SEC23B: variants seen among roughly 807,000 people sequenced by gnomAD.
The protein encoded by SEC23B is protein transport protein Sec23B.
SEC23B carries 77 observed loss-of-function variants against 104.3 expected under a neutral mutation model. That is an observed-to-expected ratio of 0.74 (90% CI 0.61 to 0.89). The LOEUF (loss-of-function observed/expected upper bound fraction) is 0.89, where lower values mean the gene tolerates loss of function less well. Among genes scored for constraint, SEC23B ranks in the 40% least tolerant of loss-of-function variants. The pLI is 0.00. For synonymous variants in SEC23B, 338 were observed against 332.5 expected (o/e 1.02, Z -0.18); for missense variants, 885 against 949.4 (o/e 0.93, Z 0.89).
intron 11 of SEC23B, among the ~76,000 whole-genome samples, chr20:18,533,405 T>G (rs921197864): frequency 2.0e-5 from 3 of 152,156 alleles, no homozygotes; most frequent in Non-Finnish European, 4.4e-5. Context: ...CTTCCCTCAT[T>G]GTCACCATCA....
At chr20:18,548,565 G>T (rs1331921446) in intron 15 of SEC23B, 44 bp from the exon 16 acceptor site, 2 of 1,596,902 alleles carry the variant, frequency 1.3e-6, no homozygotes, top group East Asian at 2.2e-5. Flanking sequence ...GTCTAAGAAG[G>T]TTACAATTAT....
intron 1 of SEC23B, among the ~76,000 whole-genome samples, chr20:18,509,422 T>C (rs2059961767): frequency 1.3e-5 from 2 of 152,324 alleles, no homozygotes; most frequent in South Asian, 4.1e-4. Context: ...ATAGACTCTT[T>C]AATTTGCCTT....
chr20:18,559,666 G>A (rs1281131598), intron 19 of SEC23B, among the ~76,000 whole-genome samples: 1 of 152,122 alleles, frequency 6.6e-6, no homozygotes, highest in Non-Finnish European at 1.5e-5. Context: ...GAAAGTGGGT[G>A]TTTTTTGTTG....
chr20:18,544,298 A>G (rs377656527), intron 14 of SEC23B, among the ~76,000 whole-genome samples: 1 of 76,076 alleles, frequency 1.3e-5, no homozygotes, highest in Non-Finnish European at 3.6e-5. Flanking sequence ...TCATGGAACC[A>G]TTTTTCAGGA....
chr20:18,556,482 G>A lies in SEC23B; in HGVS notation c.2214+1309G>A, dbSNP rs182913921. On this transcript the variant is annotated intron_variant, in intron 19 of 19. Coordinates refer to ENST00000650089, the MANE Select transcript of SEC23B (RefSeq NM_006363.6). ...CTTCCTGAGTCGCTTACTACTCTTAGGAGTTTTTTTGTAAACTTCTCAGAA... is the reference window on the plus strand; with the variant it reads ...CTTCCTGAGTCGCTTACTACTCTTAAGAGTTTTTTTGTAAACTTCTCAGAA... 3.5e-3 allele frequency among the ~76,000 whole-genome samples: 536 copies of A among 152,196 alleles called. 2 individuals carry two copies. The highest frequency in any genetic ancestry group is 0.012 in the African/African-American group (502 of 41,524).
Position 18,524,598 on chromosome 20 carries a change from C to T in SEC23B, c.532C>T (p.Leu178=), listed in dbSNP as rs1886376796. ...TFGRMVQVHE[L]SCEGISKSYV... is the part of the protein sequence containing the mutation. ...TGGAAGGATGGTGCAGGTTCATGAG[C>T]TAAGCTGTGAAGGAATCTCCAAAAG... is the stretch of plus-strand genomic sequence containing the variant. The change falls in exon 5 of 20, where the codon CTA becomes TTA. Residue 178 remains leucine, a synonymous_variant. Transcript: ENST00000650089. 2 of 1,614,210 alleles carry T rather than the reference C, an allele frequency of 1.2e-6. No individual in the cohort carries two copies. Among genetic ancestry groups the T allele is most frequent in the Non-Finnish European group, 1.7e-6 (2 of 1,180,036 alleles).
rs1246281189 is a variant in SEC23B, at chr20:18,535,575, G to A, written c.1315-78G>A. 1.5e-5 allele frequency: 16 copies of A among 1,084,602 alleles called. No homozygotes were observed. In the East Asian group the frequency reaches 3.6e-4, roughly 24 times the overall value. The allele number at this position is 1,084,602 out of a possible 1,614,324, so 67.2% of individuals were successfully genotyped here. On this transcript the variant is annotated intron_variant, in intron 11 of 19. Coordinates refer to ENST00000650089, the MANE Select transcript of SEC23B (RefSeq NM_006363.6). ...TACTCTAAGTAGCCTGCCCTACTCA[G>A]TCAGTACTTTTCATTAGCAATTAAC...
At chr20:18,556,687 C>T (rs1032981763) in intron 19 of SEC23B, among the ~76,000 whole-genome samples, 7 of 152,076 alleles carry the variant, frequency 4.6e-5, no homozygotes, top group African/African-American at 1.7e-4. Context: ...TTCCTCTCTC[C>T]TGTTTGCAGT....
intron 17 of SEC23B, among the ~76,000 whole-genome samples, chr20:18,551,693 A>C (rs2060388116): frequency 6.6e-6 from 1 of 151,782 alleles, no homozygotes; most frequent in African/African-American, 2.4e-5. Flanking sequence ...CAGCCTGGTC[A>C]ACAGAGTGAA....
At chr20:18,513,421 G>A (rs1299759112) in intron 3 of SEC23B, among the ~76,000 whole-genome samples, 1 of 151,958 alleles carries the variant, frequency 6.6e-6, no homozygotes, top group Admixed American at 6.6e-5. Context: ...ACAACTGTAC[G>A]TTTTCTAAAA....
chr20:18,524,657 A>G lies in SEC23B; in HGVS notation c.591A>G (p.Ala197=). ...TCCGAGGGACCAAGGATTTAACTGCAAAGCAAATACAGGTTTGTACCTTAC... is the reference window on the plus strand; with the variant it reads ...TCCGAGGGACCAAGGATTTAACTGCGAAGCAAATACAGGTTTGTACCTTAC... ...YVFRGTKDLT[A]KQIQDMLGLT... Residue 197 remains alanine, a synonymous_variant, in exon 5 of 20, where the codon GCA becomes GCG. Transcript: ENST00000650089. 6.2e-7 allele frequency: 1 copy of G among 1,613,228 alleles called. No individual in the cohort carries two copies. Among genetic ancestry groups the G allele is most frequent in the Non-Finnish European group, 8.5e-7 (1 of 1,179,284 alleles).
intron 9 of SEC23B, among the ~76,000 whole-genome samples, chr20:18,529,490 T>C (rs1024426440): frequency 2.6e-5 from 4 of 152,230 alleles, no homozygotes; most frequent in African/African-American, 9.7e-5. Context: ...AGTTTATTTC[T>C]CTGGCGGTAG....
In SEC23B at chr20:18,525,925, T is replaced by G. The variant is rs1235719778; in HGVS notation, c.827T>G (p.Leu276Trp). The change falls in exon 7 of 20, where the codon TTG becomes TGG. Residue 276 changes from leucine (L) to tryptophan (W), a missense_variant. Physicochemically the swap from Leu to Trp is moderately conservative, Grantham distance 61. Coordinates refer to ENST00000650089, the MANE Select transcript of SEC23B (RefSeq NM_006363.6). ...TGVALSIAVG[L>W]LEGTFPNTGA... ...GTGGCTTTGTCCATTGCTGTTGGCT[T>G]GCTGGAGGTAATTTAAAATTTACCA... 2 of 1,614,094 alleles carry G rather than the reference T, an allele frequency of 1.2e-6. No individual in the cohort carries two copies. Among genetic ancestry groups the G allele is most frequent in the Non-Finnish European group, 1.7e-6 (2 of 1,180,038 alleles).
intron 1 of SEC23B, among the ~76,000 whole-genome samples, chr20:18,508,716 CTTTTTTTTTT>C (rs398035473): frequency 3.1e-5 from 3 of 97,482 alleles, no homozygotes; most frequent in East Asian, 3.3e-4. Context: ...GCAGTAGCTT[CTTTTTTTTTT>C]TTTTTTTTTT....
chr20:18,550,840 G>A (rs1054720079), intron 16 of SEC23B, among the ~76,000 whole-genome samples: 3 of 151,066 alleles, frequency 2.0e-5, no homozygotes, highest in Admixed American at 2.0e-4. Context: ...AAAAAAAAAG[G>A]TATCATTAAT....
chr20:18,560,011 T>C (rs2060477353), intron 19 of SEC23B, among the ~76,000 whole-genome samples: 1 of 152,122 alleles, frequency 6.6e-6, no homozygotes, highest in Non-Finnish European at 1.5e-5. Context: ...TGAATATGTT[T>C]TAAAAAATAA....
In SEC23B at chr20:18,525,025, G is replaced by T; in HGVS notation, c.689+5G>T. On this transcript the variant is annotated splice_donor_5th_base_variant and intron_variant, in intron 6 of 19. Coordinates refer to ENST00000650089, the MANE Select transcript of SEC23B (RefSeq NM_006363.6). ...GCACCCTTTTGCTTCAAGCAGGTGA[G>T]AGCCCAACATGGAGTGTTACACGTA... 6.2e-7 allele frequency: 1 copy of T among 1,613,878 alleles called. No individual in the cohort carries two copies. The highest frequency in any genetic ancestry group is 1.1e-5 in the South Asian group (1 of 91,082).
At chr20:18,557,037 T>C (rs527392084) in intron 19 of SEC23B, among the ~76,000 whole-genome samples, 6 of 152,278 alleles carry the variant, frequency 3.9e-5, no homozygotes, top group South Asian at 2.1e-4. Flanking sequence ...CAGCTTATAG[T>C]TGGGTCATGG....
In SEC23B at chr20:18,537,495, A is replaced by AAACC. The variant is rs1555789667; in HGVS notation, c.1404+1755_1404+1756insCCAA. 2.6e-5 allele frequency among the ~76,000 whole-genome samples: 4 copies of AAACC among 152,084 alleles called. No homozygotes were observed. In the South Asian group the frequency reaches 6.2e-4, roughly 24 times the overall value. On this transcript the variant is annotated intron_variant, in intron 12 of 19. Transcript: ENST00000650089. ...CTCAGTAAACTATCGCAAGGACAAA[A>AAACC]AAACACCGCATGTTCTCACTCATAG...
Sources: allele counts gnomAD v4.1 joint callset (sites outside exome capture counted in the v4.1 genomes callset), GRCh38; gene constraint gnomAD v4.1.1; transcripts MANE v1.5; gene names NCBI Gene and HGNC (gene_info 2026-07-23, HGNC 2026-07-21).